The following LVRN variants were observed in gnomAD, a reference collection of about 807,000 sequenced individuals.
LVRN encodes the protein aminopeptidase Q.
Under a neutral mutation model 111.4 loss-of-function variants are expected in LVRN, and 99 were observed. That is an observed-to-expected ratio of 0.89 (90% CI 0.76 to 1.05). The LOEUF is 1.05. Among genes scored for constraint, LVRN ranks in the 50% least tolerant of loss-of-function variants. The pLI, the probability that LVRN is intolerant of heterozygous loss-of-function variation, is 0.00. For missense variants in LVRN, 1,414 were observed against 1,206.8 expected (o/e 1.17, Z -2.54); for synonymous variants, 488 against 449.5 (o/e 1.09, Z -1.08).
intron 7 of LVRN, 123 bp from the exon 8 acceptor site, chr5:116,000,310 C>A: frequency 7.5e-7 from 1 of 1,334,700 alleles, no homozygotes; most frequent in Non-Finnish European, 1.1e-6. Flanking sequence ...ATAATTCAAA[C>A]ATTCAACTAA....
chr5:115,989,594 C>A (rs868572163), intron 4 of LVRN, among the ~76,000 whole-genome samples: 1 of 152,136 alleles, frequency 6.6e-6, no homozygotes, highest in African/African-American at 2.4e-5. Context: ...CCTCTAGAAC[C>A]TATGGCAGTC....
intron 2 of LVRN, among the ~76,000 whole-genome samples, 189 bp from the exon 3 acceptor site, chr5:115,984,381 A>T (rs1747801461): frequency 6.6e-6 from 1 of 152,144 alleles, no homozygotes; most frequent in African/African-American, 2.4e-5. Context: ...ATTCAGGCCC[A>T]AGATGCTGTT....
intron 16 of LVRN, 146 bp downstream of exon 16, chr5:116,014,673 T>TA (rs892360766): frequency 7.6e-5 from 51 of 673,108 alleles, no homozygotes; most frequent in African/African-American, 6.4e-4. Context: ...ATACCTTTTT[T>TA]AAAAAACCAG....
intron 1 of LVRN, among the ~76,000 whole-genome samples, chr5:115,964,082 A>C (rs1484454980): frequency 6.6e-6 from 1 of 152,238 alleles, no homozygotes. Flanking sequence ...CTGCCCCTGC[A>C]CAAGAATTGT....
intron 1 of LVRN, among the ~76,000 whole-genome samples, chr5:115,981,635 G>C (rs1486607679): frequency 6.6e-6 from 1 of 152,066 alleles, no homozygotes; most frequent in African/African-American, 2.4e-5. Context: ...TATTTTGACT[G>C]TAGTCACCCT....
rs746493641 is a variant in LVRN at position 115,992,062 on chromosome 5, T to TA, written c.1106-55dup. On this transcript the variant is annotated intron_variant, in intron 4 of 19. Coordinates refer to ENST00000357872, the MANE Select transcript of LVRN (RefSeq NM_173800.5). ...TTTTATGATTTCATTTTGAGATATT[T>TA]AAAAAATCCCATTTTTTGGAAAAGA... The TA allele has an allele frequency of 8.7e-6, 13 of 1,493,782 alleles. No homozygotes were observed. In the African/African-American group the frequency reaches 1.7e-4, roughly 20 times the overall value. The allele number at this position is 1,493,782 out of a possible 1,614,324, so 92.5% of individuals were successfully genotyped here. A position where few individuals can be genotyped will look rare whatever the true frequency, so the allele number is the denominator to read the frequency against.
At chr5:116,012,506 C>T (rs751804292) in intron 15 of LVRN, 38 bp downstream of exon 15, 1 of 1,241,434 alleles carries the variant, frequency 8.1e-7, no homozygotes, top group Non-Finnish European at 1.1e-6. Context: ...GAATAAAATG[C>T]ATTCATATTA....
intron 7 of LVRN, 148 bp from the exon 8 acceptor site, chr5:116,000,285 T>C: frequency 9.1e-7 from 1 of 1,101,648 alleles, no homozygotes. Flanking sequence ...TACTATTTTG[T>C]TAGCACATTC....
At chr5:115,964,263 A>G (rs76618041) in intron 1 of LVRN, among the ~76,000 whole-genome samples, 2,260 of 152,254 alleles carry the variant, frequency 0.015, 45 homozygotes, top group African/African-American at 0.052. Context: ...GCCCTTTATT[A>G]TTAGAGAAAA....
intron 18 of LVRN, among the ~76,000 whole-genome samples, chr5:116,018,322 A>C (rs1378990192): frequency 6.6e-6 from 1 of 152,190 alleles, no homozygotes. Flanking sequence ...CTTCTTAATT[A>C]TTTATTTTAT....
rs1487376538 is a variant in LVRN at position 116,001,209 on chromosome 5, A to T, written c.1790A>T (p.Asn597Ile). 6.2e-7 allele frequency: 1 copy of T among 1,613,612 alleles called. No homozygotes were observed. The highest frequency in any genetic ancestry group is 1.7e-5 in the Admixed American group (1 of 59,870). ...AAACAGGAGCCATTTTATCTTGAAA[A>T]CATTAAAAATCGGACTCTTCTAACC... ...VMKQEPFYLE[N>I]IKNRTLLTSN... The change falls in exon 10 of 20, where the codon AAC (asparagine) becomes ATC (isoleucine). Residue 597 changes from asparagine to isoleucine, a missense_variant. Physicochemically the swap from Asn to Ile is moderately radical, Grantham distance 149 (BLOSUM62 -3). Coordinates refer to ENST00000357872, the MANE Select transcript of LVRN (RefSeq NM_173800.5).
At chr5:115,999,274 T>C (rs372557501) in intron 6 of LVRN, among the ~76,000 whole-genome samples, 10 of 152,226 alleles carry the variant, frequency 6.6e-5, no homozygotes, top group African/African-American at 2.4e-4. Context: ...CCATAAACTG[T>C]AATATCCATT....
intron 4 of LVRN, among the ~76,000 whole-genome samples, chr5:115,988,828 T>C (rs1490666536): frequency 6.6e-6 from 1 of 152,082 alleles, no homozygotes; most frequent in Non-Finnish European, 1.5e-5. Context: ...CAGCAGGAGC[T>C]CAGGCATGGA....
chr5:116,012,451 A>G lies in LVRN; in HGVS notation c.2325A>G (p.Gln775=). The G allele has an allele frequency of 6.5e-7, 1 of 1,544,414 alleles. No individual in the cohort carries two copies. The highest frequency in any genetic ancestry group is 8.9e-7 in the Non-Finnish European group (1 of 1,124,680). Reference sequence around the variant, plus strand: ...TTCGTGAAAATGTGTTGGCATTACAAGATGACTACTTAGCTCTGTAAGTAT... The same window carrying G: ...TTCGTGAAAATGTGTTGGCATTACAGGATGACTACTTAGCTCTGTAAGTAT... ...TIIRENVLAL[Q]DDYLALISLE... is the part of the protein sequence containing the mutation. Residue 775 remains glutamine, a synonymous_variant, in exon 15 of 20, where the codon CAA becomes CAG. Coordinates refer to ENST00000357872, the MANE Select transcript of LVRN (RefSeq NM_173800.5).
chr5:116,024,062 A>G (rs1363570153), intron 19 of LVRN, among the ~76,000 whole-genome samples: 1 of 152,208 alleles, frequency 6.6e-6, no homozygotes. Flanking sequence ...ATCTATAGTG[A>G]CAAAGGGCAG....
Position 116,026,362 on chromosome 5 carries a change from C to A in LVRN, c.*244C>A. 6.1e-6 allele frequency: 3 copies of A among 493,164 alleles called. No individual in the cohort carries two copies. Among genetic ancestry groups the A allele is most frequent in the Non-Finnish European group, 1.1e-5 (3 of 278,064 alleles). 30.5% of individuals were successfully genotyped at this position (493,164 alleles called of 1,614,324 possible). A position where few individuals can be genotyped will look rare whatever the true frequency, so the allele number is the denominator to read the frequency against. ...TGTCACTTCATGTTGGGTTATAATC[C>A]CACAGAATTTACTTTAAATGTCACG... On this transcript the variant is annotated 3_prime_UTR_variant, in exon 20 of 20. Transcript: ENST00000357872.
At chr5:116,019,713 A>AG (rs1376766662) in intron 18 of LVRN, among the ~76,000 whole-genome samples, 1 of 152,190 alleles carries the variant, frequency 6.6e-6, no homozygotes, top group African/African-American at 2.4e-5. Flanking sequence ...GTACGAGCAG[A>AG]GGGGCTTTGC....
intron 18 of LVRN, chr5:116,021,682 A>G (rs778598416): frequency 9.0e-6 from 4 of 446,912 alleles, no homozygotes; most frequent in South Asian, 4.9e-5. Context: ...CCCTATTTTA[A>G]TTTTTCTTTC....
At chr5:115,970,663 G>A (rs1753306073) in intron 1 of LVRN, among the ~76,000 whole-genome samples, 1 of 151,838 alleles carries the variant, frequency 6.6e-6, no homozygotes, top group Non-Finnish European at 1.5e-5. Context: ...GGGATTACAG[G>A]TGTGAGCCAC....
Sources: gnomAD v4.1 joint callset for allele counts (sites outside exome capture counted in the v4.1 genomes callset) on GRCh38, gnomAD v4.1.1 for gene constraint, MANE v1.5 for transcripts, NCBI Gene and HGNC (gene_info 2026-07-23, HGNC 2026-07-21) for gene names.